KCNIP3: variants seen among roughly 807,000 people sequenced by gnomAD.
KCNIP3 encodes potassium voltage-gated channel interacting protein 3.
Under a neutral mutation model 35.0 loss-of-function variants are expected in KCNIP3, and 28 were observed. The observed-to-expected ratio is 0.80, with a 90% CI of 0.59 to 1.10. The LOEUF is 1.10. Among genes scored for constraint, KCNIP3 ranks in the 50% least tolerant of loss-of-function variants. The pLI, the probability that KCNIP3 is intolerant of heterozygous loss-of-function variation, is 0.00. For synonymous variants in KCNIP3, 134 were observed against 133.8 expected, an observed-to-expected ratio of 1.00 and a Z score of -0.01; for missense variants, 295 against 338.4, an observed-to-expected ratio of 0.87 and a Z score of 1.01.
At chr2:95,340,624 G>T (rs955898443) in intron 2 of KCNIP3, among the ~76,000 whole-genome samples, 1 of 152,212 alleles carries the variant, frequency 6.6e-6, no homozygotes, top group African/African-American at 2.4e-5. Flanking sequence ...AACATGAGGG[G>T]ATTTTTCATG....
intron 2 of KCNIP3, among the ~76,000 whole-genome samples, chr2:95,365,351 G>A (rs1679892458): frequency 6.6e-6 from 1 of 151,954 alleles, no homozygotes; most frequent in South Asian, 2.1e-4. Flanking sequence ...TAGTAGAGAC[G>A]GGGTTTCGCC....
At chr2:95,297,954 C>T (rs72819496) in intron 1 of KCNIP3, among the ~76,000 whole-genome samples, 3 of 152,282 alleles carry the variant, frequency 2.0e-5, no homozygotes, top group African/African-American at 4.8e-5. Context: ...AATCAAGTAA[C>T]GAATGAGTGC....
Position 95,382,323 on chromosome 2 carries a change from GC to G in KCNIP3, c.556-51del. 7.9e-7 allele frequency: 1 copy of G among 1,262,314 alleles called. No individual in the cohort carries two copies. The allele number at this position is 1,262,314 out of a possible 1,614,324, so 78.2% of individuals were successfully genotyped here. A position where few individuals can be genotyped will look rare whatever the true frequency, so the allele number is the denominator to read the frequency against. ...CTTGGATGCCGCCCGCTCCCTTTGGGCCCTCACAGCCACCCCGGCCTTGCAG... is the reference window on the plus strand; with the variant it reads ...CTTGGATGCCGCCCGCTCCCTTTGGGCCTCACAGCCACCCCGGCCTTGCAG... On this transcript the variant is annotated intron_variant, in intron 6 of 8. Coordinates refer to ENST00000295225, the MANE Select transcript of KCNIP3 (RefSeq NM_013434.5). This position sits in a 1 kb window ranked among gnomAD's most constrained non-coding sequence, Gnocchi z 4.5.
At chr2:95,319,956 G>A (rs1678549687) in intron 2 of KCNIP3, among the ~76,000 whole-genome samples, 1 of 152,212 alleles carries the variant, frequency 6.6e-6, no homozygotes, top group Non-Finnish European at 1.5e-5. Context: ...AAGAGCGGCA[G>A]GTTTGCCTCT....
At chr2:95,353,607 G>A (rs1204896418) in intron 2 of KCNIP3, among the ~76,000 whole-genome samples, 1 of 152,130 alleles carries the variant, frequency 6.6e-6, no homozygotes, top group Non-Finnish European at 1.5e-5. Flanking sequence ...AGCCAGAGGG[G>A]GTGCTGAGCC....
chr2:95,319,912 G>A (rs781589211), intron 2 of KCNIP3, among the ~76,000 whole-genome samples: 6 of 152,172 alleles, frequency 3.9e-5, no homozygotes, highest in Non-Finnish European at 8.8e-5. Flanking sequence ...CAAGGTGGCC[G>A]TTGAGCCCCA....
At chr2:95,298,625 T>G (rs1038764930) in intron 1 of KCNIP3, 2 of 152,234 alleles carry the variant, frequency 1.3e-5, no homozygotes, top group Non-Finnish European at 2.9e-5. Flanking sequence ...GTGGCTGGCT[T>G]GGACCACACT....
At chr2:95,308,490 C>T (rs183900270) in intron 1 of KCNIP3, among the ~76,000 whole-genome samples, 5 of 152,272 alleles carry the variant, frequency 3.3e-5, no homozygotes, top group South Asian at 2.1e-4. Context: ...CTGCCCATCC[C>T]GAATGTGGAT....
At position 95,334,759 on chromosome 2, in the gene KCNIP3, A is replaced by G. The variant is rs1391356031; in HGVS notation, c.181+24239A>G. 5.3e-5 allele frequency among the ~76,000 whole-genome samples: 8 copies of G among 152,364 alleles called. No individual in the cohort carries two copies. The East Asian group carries it at 1.3e-3, about 26-fold the overall frequency. ...CTTTCATCACTGGGGACCAGGAAGCAGGGTGAGGGGCTCACAGGACAAGCT... is the reference window on the plus strand; with the variant it reads ...CTTTCATCACTGGGGACCAGGAAGCGGGGTGAGGGGCTCACAGGACAAGCT... On this transcript the variant is annotated intron_variant, in intron 2 of 8. Transcript: ENST00000295225.
intron 2 of KCNIP3, among the ~76,000 whole-genome samples, chr2:95,357,457 T>C (rs181263643): frequency 1.4e-3 from 210 of 152,236 alleles, no homozygotes; most frequent in Non-Finnish European, 1.3e-3. Context: ...GAGGCACCAG[T>C]GGGCAATTCC....
chr2:95,345,615 T>G (rs1186071243), intron 2 of KCNIP3, among the ~76,000 whole-genome samples: 1 of 152,242 alleles, frequency 6.6e-6, no homozygotes, highest in Non-Finnish European at 1.5e-5. Context: ...CTCCCTTGGC[T>G]AACACAGCGG....
intron 2 of KCNIP3, among the ~76,000 whole-genome samples, chr2:95,327,328 C>T (rs887238221): frequency 2.0e-5 from 3 of 152,164 alleles, no homozygotes; most frequent in Admixed American, 6.5e-5. Flanking sequence ...GTGGCTGAGG[C>T]CACCCTACCT....
chr2:95,369,502 T>C (rs1167275340), intron 2 of KCNIP3, among the ~76,000 whole-genome samples: 1 of 152,238 alleles, frequency 6.6e-6, no homozygotes, highest in East Asian at 1.9e-4. Context: ...TTGTTGAATT[T>C]GTGTGTGAAG....
At chr2:95,339,778 T>G (rs1430239572) in intron 2 of KCNIP3, among the ~76,000 whole-genome samples, 4 of 152,182 alleles carry the variant, frequency 2.6e-5, no homozygotes, top group African/African-American at 9.7e-5. Flanking sequence ...TCCAAATCGA[T>G]AGCTCTTACT....
At chr2:95,352,120 G>A (rs1173397375) in intron 2 of KCNIP3, among the ~76,000 whole-genome samples, 2 of 152,110 alleles carry the variant, frequency 1.3e-5, no homozygotes, top group Admixed American at 6.6e-5. Context: ...AAAATTAGCC[G>A]GGCATGGTGG....
intron 2 of KCNIP3, among the ~76,000 whole-genome samples, chr2:95,335,774 T>C (rs1278979414): frequency 2.6e-5 from 4 of 152,218 alleles, no homozygotes; most frequent in African/African-American, 9.6e-5. Context: ...TCTAATTCCA[T>C]GCTTTTCTCT....
chr2:95,301,337 T>A (rs937915251), intron 1 of KCNIP3, among the ~76,000 whole-genome samples: 1 of 152,138 alleles, frequency 6.6e-6, no homozygotes, highest in Admixed American at 6.5e-5. Flanking sequence ...AGAGCCCTGA[T>A]CCTCACTGTG....
At chr2:95,309,006 C>G (rs1678248082) in intron 1 of KCNIP3, among the ~76,000 whole-genome samples, 2 of 152,212 alleles carry the variant, frequency 1.3e-5, no homozygotes, top group African/African-American at 4.8e-5. Flanking sequence ...GCCCTCTTTA[C>G]TGGCCAAGGA....
In KCNIP3 at chr2:95,377,753, C is replaced by T. The variant is rs1036358364; in HGVS notation, c.447+2545C>T. ...GAGACTAGCCAGTGGCCTAACAGGA[C>T]ATTCCCACCATCTCCTAGTACTGTC... On this transcript the variant is annotated intron_variant, in intron 5 of 8. Coordinates refer to ENST00000295225, the MANE Select transcript of KCNIP3 (RefSeq NM_013434.5). The surrounding 1 kb of genome is among the most constrained non-coding windows in gnomAD (Gnocchi z 4.7). Among the ~76,000 whole-genome samples the T allele has an allele frequency of 6.6e-6, 1 of 152,230 alleles. No homozygotes were observed. The highest frequency in any genetic ancestry group is 1.5e-5 in the Non-Finnish European group (1 of 68,032).
Sources: gnomAD v4.1 joint callset for allele counts (sites outside exome capture counted in the v4.1 genomes callset) on GRCh38, gnomAD v4.1.1 for gene constraint, Gnocchi (gnomAD v3.1) non-coding constraint, MANE v1.5 for transcripts, NCBI Gene and HGNC (gene_info 2026-07-23, HGNC 2026-07-21) for gene names.